RBMS1: variants seen among roughly 807,000 people sequenced by gnomAD.
RBMS1 encodes the protein RNA binding motif single stranded interacting protein 1, also known as RNA-binding motif, single-stranded-interacting protein 1.
Under a neutral mutation model 62.3 loss-of-function variants are expected in RBMS1, and 17 were observed. That is an observed-to-expected ratio of 0.27 (90% CI 0.19 to 0.41). The LOEUF (loss-of-function observed/expected upper bound fraction) is 0.41, where lower values mean the gene tolerates loss of function less well. Ranked by LOEUF, RBMS1 falls within the 10% of genes least tolerant of loss-of-function variation. RBMS1 has a pLI of 1.00. For synonymous variants in RBMS1, 172 were observed against 170.0 expected (o/e 1.01, Z -0.09); for missense variants, 334 against 504.5 (o/e 0.66, Z 3.24).
At chr2:160,364,195 C>A (rs1693277850) in intron 2 of RBMS1, among the ~76,000 whole-genome samples, 1 of 152,142 alleles carries the variant, frequency 6.6e-6, no homozygotes, top group Non-Finnish European at 1.5e-5. Context: ...GTAGATGAAT[C>A]CTTTTGGCTA....
At chr2:160,345,177 C>T (rs980595167) in intron 2 of RBMS1, among the ~76,000 whole-genome samples, 1 of 152,054 alleles carries the variant, frequency 6.6e-6, no homozygotes, top group Admixed American at 6.6e-5. Context: ...TAGAGTAACT[C>T]AGAGGGCACT....
intron 1 of RBMS1, among the ~76,000 whole-genome samples, chr2:160,426,283 A>AAGAAAGAG: frequency 8.7e-6 from 1 of 115,068 alleles, no homozygotes; most frequent in Non-Finnish European, 1.8e-5. Context: ...GAAAGAAAGA[A>AAGAAAGAG]AGAAAGAAAA....
chr2:160,327,548 T>C (rs1468744673), intron 2 of RBMS1, among the ~76,000 whole-genome samples: 1 of 152,204 alleles, frequency 6.6e-6, no homozygotes, highest in Non-Finnish European at 1.5e-5. Flanking sequence ...AAGTCTATTA[T>C]GATCTGCAAT....
chr2:160,294,097 C>G (rs1042956943), intron 6 of RBMS1, among the ~76,000 whole-genome samples: 11 of 152,168 alleles, frequency 7.2e-5, no homozygotes. Context: ...CCATGTAAAT[C>G]TGACTTAATA....
In RBMS1 at chr2:160,393,544, C is replaced by T. The variant is rs1453852869; in HGVS notation, c.76-26153G>A. Among the ~76,000 whole-genome samples the T allele has an allele frequency of 2.6e-5, 4 of 152,110 alleles. No individual in the cohort carries two copies. The South Asian group carries it at 6.2e-4, about 24-fold the overall frequency. On this transcript the variant is annotated intron_variant, in intron 1 of 13. Transcript: ENST00000348849. ...TGTAATCCTAGCAACTTTGGGAGGCCGAGGCGGGCAGAGCACCGAGGTCGG... is the reference window on the plus strand; with the variant it reads ...TGTAATCCTAGCAACTTTGGGAGGCTGAGGCGGGCAGAGCACCGAGGTCGG...
chr2:160,286,841 G>C, intron 7 of RBMS1, 128 bp downstream of exon 7: 9 of 1,521,380 alleles, frequency 5.9e-6, no homozygotes, highest in Non-Finnish European at 7.9e-6. Flanking sequence ...CCGAAAGGAA[G>C]ATTTAATCCT....
intron 1 of RBMS1, among the ~76,000 whole-genome samples, chr2:160,389,515 T>C (rs1221583254): frequency 1.3e-5 from 2 of 151,866 alleles, no homozygotes; most frequent in Non-Finnish European, 2.9e-5. Context: ...CTAGCCAACA[T>C]GGCAAAACCC....
At chr2:160,441,706 A>T (rs1204996508) in intron 1 of RBMS1, among the ~76,000 whole-genome samples, 1 of 152,288 alleles carries the variant, frequency 6.6e-6, no homozygotes, top group Non-Finnish European at 1.5e-5. Flanking sequence ...CCTAGGCAAC[A>T]GAGTGAGACG....
At chr2:160,375,177 C>T (rs1244791771) in intron 1 of RBMS1, among the ~76,000 whole-genome samples, 1 of 152,116 alleles carries the variant, frequency 6.6e-6, no homozygotes, top group African/African-American at 2.4e-5. Context: ...CCAGTCAGGA[C>T]CTTTAGTACT....
chr2:160,409,606 C>T (rs540047783), intron 1 of RBMS1, among the ~76,000 whole-genome samples: 2 of 152,344 alleles, frequency 1.3e-5, no homozygotes, highest in East Asian at 3.9e-4. Flanking sequence ...TGAGAACTTA[C>T]TGCTCAACAC....
chr2:160,493,242 C>T (rs1439315581), intron 1 of RBMS1, 47 bp downstream of exon 1: 1 of 1,579,418 alleles, frequency 6.3e-7, no homozygotes, highest in South Asian at 1.1e-5. Context: ...TGCGCGCGTC[C>T]CCGGGCCCCC....
chr2:160,491,993 C>A (rs1685852238), intron 1 of RBMS1, among the ~76,000 whole-genome samples: 1 of 152,094 alleles, frequency 6.6e-6, no homozygotes, highest in South Asian at 2.1e-4. Flanking sequence ...GACAAGTGTC[C>A]TTTTTACGTA....
intron 1 of RBMS1, among the ~76,000 whole-genome samples, chr2:160,372,256 G>A (rs972136839): frequency 7.9e-5 from 12 of 151,128 alleles, no homozygotes; most frequent in African/African-American, 2.4e-4. Flanking sequence ...GCTAGGACCT[G>A]CCCTTTAATT....
At chr2:160,384,702 G>C (rs1372703313) in intron 1 of RBMS1, among the ~76,000 whole-genome samples, 3 of 152,200 alleles carry the variant, frequency 2.0e-5, no homozygotes, top group Non-Finnish European at 2.9e-5. Flanking sequence ...AGCTCGCAGT[G>C]TTGTTGTAAA....
At chr2:160,320,675 C>G (rs926714368) in intron 2 of RBMS1, among the ~76,000 whole-genome samples, 1 of 152,126 alleles carries the variant, frequency 6.6e-6, no homozygotes. Flanking sequence ...CTGCACACAC[C>G]TTCTCCCCTT....
chr2:160,348,608 T>C (rs1464337094), intron 2 of RBMS1, among the ~76,000 whole-genome samples: 1 of 152,128 alleles, frequency 6.6e-6, no homozygotes, highest in Non-Finnish European at 1.5e-5. Context: ...GTCTAATGAC[T>C]ATCAACCTGC....
chr2:160,360,568 G>A (rs530498121), intron 2 of RBMS1, among the ~76,000 whole-genome samples: 2 of 152,214 alleles, frequency 1.3e-5, no homozygotes, highest in African/African-American at 2.4e-5. Context: ...TGGGAACCCC[G>A]GGTAACTAAC....
At chr2:160,371,837 C>T (rs1559461475) in intron 1 of RBMS1, among the ~76,000 whole-genome samples, 1 of 152,154 alleles carries the variant, frequency 6.6e-6, no homozygotes. Context: ...CTCCTTCCCG[C>T]CAGAAGCCCC....
intron 9 of RBMS1, chr2:160,282,903 G>A (rs1416970768): frequency 2.0e-5 from 3 of 152,176 alleles, no homozygotes; most frequent in Non-Finnish European, 4.4e-5. Flanking sequence ...TTAAAAATCA[G>A]TCTTTGAGGC....
Sources: gnomAD v4.1 joint callset for allele counts (sites outside exome capture counted in the v4.1 genomes callset) on GRCh38, gnomAD v4.1.1 for gene constraint, MANE v1.5 for transcripts, NCBI Gene and HGNC (gene_info 2026-07-23, HGNC 2026-07-21) for gene names.